ELP4: variants seen among roughly 807,000 people sequenced by gnomAD.
The protein encoded by ELP4 is elongator acetyltransferase complex subunit 4.
ELP4 carries 51 observed loss-of-function variants against 48.9 expected under a neutral mutation model. The ratio of observed to expected loss-of-function variants is 1.04; its 90% confidence interval spans 0.83 to 1.32. ELP4 has a LOEUF of 1.32. ELP4 is among the 40% of genes most tolerant of loss of function. ELP4 has a pLI of 0.00. For missense variants in ELP4, 519 were observed against 514.6 expected (o/e 1.01, Z -0.08); for synonymous variants, 210 against 189.2 (o/e 1.11, Z -0.90).
intron 5 of ELP4, among the ~76,000 whole-genome samples, chr11:31,605,447 A>C (rs1221709918): frequency 6.6e-6 from 1 of 152,040 alleles, no homozygotes; most frequent in Non-Finnish European, 1.5e-5. Context: ...TTTTCCCATA[A>C]TTTTTCAAAT....
At chr11:31,519,993 C>G in intron 1 of ELP4, 63 bp from the exon 2 acceptor site, 1 of 1,545,814 alleles carries the variant, frequency 6.5e-7, no homozygotes, top group East Asian at 2.3e-5. Flanking sequence ...TAAAGCCTAA[C>G]TTTTATGCTA....
intron 2 of ELP4, among the ~76,000 whole-genome samples, chr11:31,534,768 T>C (rs566983759): frequency 6.6e-6 from 1 of 152,374 alleles, no homozygotes; most frequent in South Asian, 2.1e-4. Context: ...ATGTCAGGTT[T>C]GTTTCTTATA....
intron 2 of ELP4, among the ~76,000 whole-genome samples, chr11:31,531,752 G>T (rs1323902553): frequency 6.6e-6 from 1 of 152,148 alleles, no homozygotes; most frequent in Non-Finnish European, 1.5e-5. Flanking sequence ...TTAAGTTTTT[G>T]AAACGGGAGT....
At chr11:31,772,635 G>A (rs754465688) in intron 9 of ELP4, among the ~76,000 whole-genome samples, 3 of 152,116 alleles carry the variant, frequency 2.0e-5, no homozygotes, top group Non-Finnish European at 4.4e-5. Flanking sequence ...AAATTCCATT[G>A]GAATACACTG....
chr11:31,658,291 T>C (rs984360789), intron 9 of ELP4, among the ~76,000 whole-genome samples: 10 of 151,918 alleles, frequency 6.6e-5, no homozygotes, highest in Non-Finnish European at 1.5e-5. Context: ...ATTTCTACTT[T>C]TTGTAAAATA....
chr11:31,680,837 A>C (rs1946037397), intron 9 of ELP4, among the ~76,000 whole-genome samples: 1 of 152,202 alleles, frequency 6.6e-6, no homozygotes, highest in Non-Finnish European at 1.5e-5. Flanking sequence ...CATTTTATTT[A>C]ATGCAAAGCG....
intron 9 of ELP4, chr11:31,714,859 T>A (rs1227512959): frequency 2.5e-6 from 1 of 398,396 alleles, no homozygotes; most frequent in Admixed American, 4.4e-5. Flanking sequence ...GTAATTACAT[T>A]GGACCCACTT....
At chr11:31,594,737 G>T in intron 3 of ELP4, 33 bp from the exon 4 acceptor site, 1 of 1,427,934 alleles carries the variant, frequency 7.0e-7, no homozygotes, top group Non-Finnish European at 9.2e-7. Flanking sequence ...TTTTACCACA[G>T]AATCTCAATT....
chr11:31,757,902 C>CT (rs1947864653), intron 9 of ELP4, among the ~76,000 whole-genome samples: 1 of 152,058 alleles, frequency 6.6e-6, no homozygotes, highest in Admixed American at 6.5e-5. Context: ...ATGTAACAGA[C>CT]TTTCTTCTTA....
intron 7 of ELP4, among the ~76,000 whole-genome samples, chr11:31,645,001 C>A (rs752767664): frequency 6.6e-6 from 1 of 151,712 alleles, no homozygotes; most frequent in Non-Finnish European, 1.5e-5. Flanking sequence ...TTAATCTGGT[C>A]TGCCACATTA....
intron 9 of ELP4, among the ~76,000 whole-genome samples, chr11:31,731,014 C>T (rs2862803): frequency 0.31 from 46,305 of 151,460 alleles, 7,725 homozygotes; most frequent in African/African-American, 0.45. Context: ...AATCTAAACA[C>T]ACAAGTTTAG....
intron 9 of ELP4, among the ~76,000 whole-genome samples, chr11:31,759,040 T>C (rs781631407): frequency 4.6e-5 from 7 of 152,226 alleles, no homozygotes; most frequent in Non-Finnish European, 8.8e-5. Flanking sequence ...ACTTACTTTC[T>C]TCCATCATTC....
At chr11:31,605,963 A>G (rs1391758083) in intron 5 of ELP4, among the ~76,000 whole-genome samples, 1 of 151,648 alleles carries the variant, frequency 6.6e-6, no homozygotes, top group Non-Finnish European at 1.5e-5. Flanking sequence ...TGCTACCTCC[A>G]TTTACTGAGG....
intron 9 of ELP4, among the ~76,000 whole-genome samples, chr11:31,768,122 GA>G (rs761031616): frequency 1.3e-5 from 2 of 152,014 alleles, no homozygotes; most frequent in Non-Finnish European, 2.9e-5. Context: ...TGATACTTAA[GA>G]TTTTTTTTTC....
intron 9 of ELP4, among the ~76,000 whole-genome samples, chr11:31,708,762 C>T (rs1946683763): frequency 1.3e-5 from 2 of 152,078 alleles, no homozygotes; most frequent in Admixed American, 1.3e-4. Flanking sequence ...ATAATAAAAA[C>T]AATGCTGAAG....
At chr11:31,546,549 C>A (rs1031538341) in intron 3 of ELP4, among the ~76,000 whole-genome samples, 1 of 152,110 alleles carries the variant, frequency 6.6e-6, no homozygotes, top group Non-Finnish European at 1.5e-5. Flanking sequence ...GATTTTAACA[C>A]CCCACTGTCA....
At chr11:31,722,302 G>A (rs1339176857) in intron 9 of ELP4, among the ~76,000 whole-genome samples, 2 of 152,156 alleles carry the variant, frequency 1.3e-5, no homozygotes, top group Non-Finnish European at 2.9e-5. Context: ...AATTCAGGAA[G>A]GAGGAGTCAG....
chr11:31,539,995 A>T (rs1956567376), intron 3 of ELP4, among the ~76,000 whole-genome samples: 1 of 152,194 alleles, frequency 6.6e-6, no homozygotes, highest in Non-Finnish European at 1.5e-5. Context: ...AAATTTTTTA[A>T]AGTTCATATG....
intron 1 of ELP4, among the ~76,000 whole-genome samples, chr11:31,517,453 C>T (rs945925307): frequency 4.6e-5 from 7 of 152,028 alleles, no homozygotes; most frequent in African/African-American, 1.2e-4. Context: ...TGTGAGCCAC[C>T]GTGCCCAACC....
Sources: allele counts gnomAD v4.1 joint callset (sites outside exome capture counted in the v4.1 genomes callset), GRCh38; gene constraint gnomAD v4.1.1; transcripts MANE v1.5; gene names NCBI Gene and HGNC (gene_info 2026-07-23, HGNC 2026-07-21).